Variants in ARHGAP6 observed in about 807,000 individuals in gnomAD.
ARHGAP6 encodes the protein Rho GTPase activating protein 6, also known as rho GTPase-activating protein 6.
ARHGAP6 carries 16 observed loss-of-function variants against 55.7 expected under a neutral mutation model. The ratio of observed to expected loss-of-function variants is 0.29; its 90% CI spans 0.19 to 0.44. The LOEUF (loss-of-function observed/expected upper bound fraction) is 0.44. ARHGAP6 is among the 20% of genes least tolerant of loss of function. The pLI is 1.00. For synonymous variants in ARHGAP6, 382 were observed against 360.9 expected (o/e 1.06, Z -0.66); for missense variants, 698 against 808.9 (o/e 0.86, Z 1.66).
At chrX:11,298,418 A>G in intron 1 of ARHGAP6, 1 of 1,128,748 alleles carries the variant, frequency 8.9e-7, no homozygotes, top group East Asian at 3.0e-5. Context: ...CTGTGTACAC[A>G]GTTACAAATT....
At chrX:11,162,333 GC>G (rs143136866) in intron 9 of ARHGAP6, among the ~76,000 whole-genome samples, 2,683 of 78,031 alleles carry the variant, frequency 0.034, 76 homozygotes, top group African/African-American at 0.079. Flanking sequence ...CTGAAACTGT[GC>G]CCCCCCCCCC....
chrX:11,463,419 G>C (rs966020021), intron 1 of ARHGAP6, among the ~76,000 whole-genome samples: 1 of 111,781 alleles, frequency 8.9e-6, no homozygotes, highest in African/African-American at 3.3e-5. Flanking sequence ...GCTCACTGTA[G>C]CCTCAAACTT....
chrX:11,243,527 A>AACTC (rs1347333825), intron 2 of ARHGAP6, among the ~76,000 whole-genome samples: 1 of 112,412 alleles, frequency 8.9e-6, no homozygotes, highest in Non-Finnish European at 1.9e-5. Context: ...TTTAATGCAT[A>AACTC]ACTCATGTGT....
chrX:11,567,313 G>A (rs952168644), intron 1 of ARHGAP6, among the ~76,000 whole-genome samples: 3 of 110,666 alleles, frequency 2.7e-5, no homozygotes, highest in Non-Finnish European at 5.7e-5. Context: ...AGTTACTTCT[G>A]TGAGCAATTT....
At position 11,188,896 on chromosome X, in the gene ARHGAP6, G is replaced by A. The variant is rs374318803; in HGVS notation, c.909C>T (p.Asp303=). The change falls in exon 4 of 13, where the codon GAC becomes GAT. Residue 303 remains aspartate, a synonymous_variant. Transcript: ENST00000337414. ...AYKLKQDLQR[D]EQKDASDFVA... is the part of the protein sequence containing the mutation. ...CAAAGTCAGATGCATCTTTCTGCTC[G>A]TCCCTCTGCAAGTCCTGCTTGAGTT... The A allele has an allele frequency of 2.6e-4, 315 of 1,209,242 alleles. No individual in the cohort carries two copies. Among genetic ancestry groups the A allele is most frequent in the Middle Eastern group, 4.6e-4 (2 of 4,373 alleles).
chrX:11,153,405 A>T (rs1323363793), intron 10 of ARHGAP6, among the ~76,000 whole-genome samples: 1 of 107,920 alleles, frequency 9.3e-6, no homozygotes, highest in African/African-American at 3.4e-5. Context: ...TGCACCTGTA[A>T]TCTCAGCTAC....
At chrX:11,634,662 T>G (rs1264483086) in intron 1 of ARHGAP6, among the ~76,000 whole-genome samples, 1 of 111,843 alleles carries the variant, frequency 8.9e-6, no homozygotes, top group Non-Finnish European at 1.9e-5. Context: ...AAAAATCATA[T>G]TTTCAGTAAT....
intron 1 of ARHGAP6, among the ~76,000 whole-genome samples, chrX:11,390,525 C>A (rs1190007687): frequency 9.0e-6 from 1 of 110,835 alleles, no homozygotes; most frequent in African/African-American, 3.3e-5. Context: ...AGTGAACAGG[C>A]AACCTACAAA....
intron 8 of ARHGAP6, 89 bp from the exon 9 acceptor site, chrX:11,169,773 CTTTT>C: frequency 5.0e-6 from 3 of 597,846 alleles, no homozygotes; most frequent in Non-Finnish European, 7.1e-6. Flanking sequence ...TTTTACTCTC[CTTTT>C]TTTTTTTTAA....
At chrX:11,624,753 G>T (rs185951617) in intron 1 of ARHGAP6, among the ~76,000 whole-genome samples, 1 of 110,761 alleles carries the variant, frequency 9.0e-6, no homozygotes, top group Non-Finnish European at 1.9e-5. Context: ...GGGTTTCACC[G>T]CGTTAGCCAG....
chrX:11,582,246 A>C (rs1267839756), intron 1 of ARHGAP6, among the ~76,000 whole-genome samples: 1 of 111,389 alleles, frequency 9.0e-6, no homozygotes, highest in Non-Finnish European at 1.9e-5. Context: ...CAGAAGCTGC[A>C]CACAATCTCT....
chrX:11,330,737 G>GT (rs2048553216), intron 1 of ARHGAP6, among the ~76,000 whole-genome samples: 1 of 111,839 alleles, frequency 8.9e-6, no homozygotes, highest in African/African-American at 3.2e-5. Context: ...TAGACCCACG[G>GT]TAAGAAGGTG....
intron 1 of ARHGAP6, among the ~76,000 whole-genome samples, chrX:11,523,491 G>A (rs1265893894): frequency 1.8e-5 from 2 of 111,881 alleles, no homozygotes; most frequent in African/African-American, 6.5e-5. Context: ...ATATCCCATC[G>A]TCTCAGCCCA....
intron 1 of ARHGAP6, among the ~76,000 whole-genome samples, chrX:11,517,965 C>G (rs1048165991): frequency 5.4e-5 from 6 of 110,646 alleles, no homozygotes; most frequent in Admixed American, 1.9e-4. Flanking sequence ...CACATGTACC[C>G]CGGAATTTAA....
intron 1 of ARHGAP6, among the ~76,000 whole-genome samples, chrX:11,309,225 C>A: frequency 8.9e-6 from 1 of 111,909 alleles, no homozygotes; most frequent in African/African-American, 3.2e-5. Context: ...GCCTGAAATA[C>A]ACACACCGTA....
In ARHGAP6 at chrX:11,366,943, G is replaced by C. The variant is rs190497623; in HGVS notation, c.589-112236C>G. Among the ~76,000 whole-genome samples the C allele has an allele frequency of 4.3e-3, 483 of 111,988 alleles. 3 individuals are homozygous for C. The highest frequency in any genetic ancestry group is 0.015 in the African/African-American group (463 of 30,825). On this transcript the variant is annotated intron_variant, in intron 1 of 12. Transcript: ENST00000337414. ...GAGAAGAGGCCTAAGATGGAAGTAT[G>C]TTTAAGGAGCAGGTGAGGAATAACA...
intron 1 of ARHGAP6, among the ~76,000 whole-genome samples, chrX:11,324,265 C>G (rs1041097398): frequency 8.9e-6 from 1 of 111,880 alleles, no homozygotes; most frequent in African/African-American, 3.3e-5. Context: ...AAAGCACAAT[C>G]AAAGCAGTGG....
chrX:11,248,218 C>T (rs911731726), intron 2 of ARHGAP6, among the ~76,000 whole-genome samples: 2 of 111,173 alleles, frequency 1.8e-5, no homozygotes, highest in African/African-American at 6.5e-5. Context: ...CACCCCATTG[C>T]CAACCTGCAT....
chrX:11,577,735 G>A (rs957758397), intron 1 of ARHGAP6, among the ~76,000 whole-genome samples: 2 of 111,776 alleles, frequency 1.8e-5, no homozygotes, highest in Non-Finnish European at 3.8e-5. Flanking sequence ...AATTACCCAA[G>A]GTCACATGAC....
Sources: allele counts gnomAD v4.1 joint callset (sites outside exome capture counted in the v4.1 genomes callset), GRCh38; gene constraint gnomAD v4.1.1; transcripts MANE v1.5; gene names NCBI Gene and HGNC (gene_info 2026-07-23, HGNC 2026-07-21).